The following INO80 variants were observed in gnomAD, a reference collection of about 807,000 sequenced individuals.
INO80 encodes the protein chromatin-remodeling ATPase INO80.
INO80 carries 20 observed loss-of-function variants against 203.4 expected under a neutral mutation model. That is an observed-to-expected ratio of 0.10 (90% CI 0.07 to 0.14). INO80 has a LOEUF of 0.14. Among genes scored for constraint, INO80 ranks in the 10% least tolerant of loss-of-function variants. The probability of loss-of-function intolerance (pLI) is 1.00; values close to 1 mark genes in which losing one functional copy is unlikely to be tolerated. For missense variants in INO80, 1,419 were observed against 1,914.4 expected, an observed-to-expected ratio of 0.74 and a Z score of 4.83; for synonymous variants, 726 against 685.2, an observed-to-expected ratio of 1.06 and a Z score of -0.93.
intron 24 of INO80, among the ~76,000 whole-genome samples, chr15:41,036,093 T>G (rs1402462020): frequency 7.3e-6 from 1 of 136,534 alleles, no homozygotes; most frequent in African/African-American, 2.8e-5. Flanking sequence ...GAGGCGGAAG[T>G]TGCAGTGAGC....
chr15:41,043,857 CT>C (rs1209550646), intron 24 of INO80, among the ~76,000 whole-genome samples: 1 of 152,140 alleles, frequency 6.6e-6, no homozygotes, highest in Non-Finnish European at 1.5e-5. Context: ...CTTCTTTCAC[CT>C]TCTTTGTCAC....
Position 41,097,705 on chromosome 15 carries a change from C to T in INO80, c.-43-1352G>A, listed in dbSNP as rs141340911. 1.0e-3 allele frequency among the ~76,000 whole-genome samples: 152 copies of T among 152,198 alleles called. 5 individuals carry two copies. The East Asian group carries it at 0.025, about 25-fold the overall frequency. On this transcript the variant is annotated intron_variant, in intron 1 of 35. Coordinates refer to ENST00000648947, the MANE Select transcript of INO80 (RefSeq NM_017553.3). ...GTCAGGCTGGTCTGGAACTCCTGAC[C>T]TCAGGTGATCCACCAGTCCCAACCT...
At chr15:41,019,337 G>C (rs753307550) in intron 26 of INO80, 4 of 152,204 alleles carry the variant, frequency 2.6e-5, no homozygotes, top group Non-Finnish European at 5.9e-5. Flanking sequence ...AGTCTACAGA[G>C]CACAATGGGG....
At position 41,072,926 on chromosome 15, in the gene INO80, G is replaced by A. The variant is rs146928306; in HGVS notation, c.1395+502C>T. 8.2e-3 allele frequency among the ~76,000 whole-genome samples: 1,242 copies of A among 151,650 alleles called. 22 individuals carry two copies. Among genetic ancestry groups the A allele is most frequent in the African/African-American group, 0.027 (1,120 of 41,372 alleles). ...CTCCCGAGTAGCTGGGACTACAAGC[G>A]CCCTCCGCCACCCCCGGCTAATTTT... is the stretch of plus-strand genomic sequence containing the variant. On this transcript the variant is annotated intron_variant, in intron 11 of 35. Coordinates refer to ENST00000648947, the MANE Select transcript of INO80 (RefSeq NM_017553.3).
chr15:41,064,321 CAATT>C (rs1237582320), intron 14 of INO80, among the ~76,000 whole-genome samples: 3 of 152,140 alleles, frequency 2.0e-5, no homozygotes, highest in Admixed American at 1.3e-4. Flanking sequence ...TTTAAGGTAT[CAATT>C]AATAACAAAC....
At chr15:41,101,140 C>G (rs1047246204) in intron 1 of INO80, among the ~76,000 whole-genome samples, 1 of 152,010 alleles carries the variant, frequency 6.6e-6, no homozygotes, top group African/African-American at 2.4e-5. Flanking sequence ...ACAATCATTT[C>G]TTAATCACCT....
chr15:41,049,569 G>T, intron 20 of INO80, 149 bp from the exon 21 acceptor site: 1 of 770,294 alleles, frequency 1.3e-6, no homozygotes, highest in Non-Finnish European at 2.1e-6. Context: ...CTGGCATCAA[G>T]GATAGACTGT....
rs772623947 is a variant in INO80, at chr15:40,982,847, C to G, written c.4453+15G>C. The G allele has an allele frequency of 1.9e-6, 3 of 1,600,878 alleles. No individual in the cohort carries two copies. Among genetic ancestry groups the G allele is most frequent in the Middle Eastern group, 2.1e-4 (1 of 4,686 alleles). ...TGACCAGAACAAAGTCTGCAGCCAC[C>G]CTGGGCTTCTGTACCTTTAGACACG... On this transcript the variant is annotated intron_variant, in intron 35 of 35. Transcript: ENST00000648947.
intron 24 of INO80, among the ~76,000 whole-genome samples, chr15:41,044,677 TGTGTACTTCACA>T (rs1304877125): frequency 2.1e-5 from 3 of 143,848 alleles, no homozygotes; most frequent in Non-Finnish European, 4.6e-5. Flanking sequence ...ACTTAAGATC[TGTGTACTTCACA>T]GTATTGTAAA....
intron 29 of INO80, among the ~76,000 whole-genome samples, chr15:40,990,863 T>C (rs531685903): frequency 5.7e-4 from 86 of 152,186 alleles, no homozygotes; most frequent in Non-Finnish European, 1.1e-3. Flanking sequence ...TTTCATCTTT[T>C]TTTCTGGTTC....
chr15:41,077,935 C>G (rs1306443363), intron 9 of INO80, among the ~76,000 whole-genome samples: 1 of 149,754 alleles, frequency 6.7e-6, no homozygotes, highest in Admixed American at 6.7e-5. Flanking sequence ...GATTCTTCCT[C>G]TGTCACCCAG....
At chr15:41,114,824 T>G (rs2046006139) in intron 1 of INO80, among the ~76,000 whole-genome samples, 2 of 152,226 alleles carry the variant, frequency 1.3e-5, no homozygotes, top group Non-Finnish European at 2.9e-5. Flanking sequence ...TGTTTCTTTT[T>G]TAGGTAAATT....
chr15:41,069,809 T>C (rs562603609), intron 13 of INO80, 144 bp from the exon 14 acceptor site: 26 of 598,156 alleles, frequency 4.3e-5, no homozygotes, highest in Non-Finnish European at 7.0e-5. Context: ...GCACATTCAA[T>C]AGTAATATCC....
At chr15:41,019,254 G>A (rs2044253851) in intron 26 of INO80, among the ~76,000 whole-genome samples, 1 of 152,108 alleles carries the variant, frequency 6.6e-6, no homozygotes, top group African/African-American at 2.4e-5. Flanking sequence ...AAGAGAAAAC[G>A]TAAAAGTATA....
At position 41,048,198 on chromosome 15, in the gene INO80, A is replaced by G; in HGVS notation, c.2641+14T>C. On this transcript the variant is annotated intron_variant, in intron 22 of 35. Coordinates refer to ENST00000648947, the MANE Select transcript of INO80 (RefSeq NM_017553.3). ...CCCTGACAAACCTACTTTCCCAAAG[A>G]TCAAAACACCTACCTTTTCTGTGAA... is the stretch of plus-strand genomic sequence containing the variant. 6.2e-7 allele frequency: 1 copy of G among 1,605,782 alleles called. No individual in the cohort carries two copies. Among genetic ancestry groups the G allele is most frequent in the Non-Finnish European group, 8.5e-7 (1 of 1,173,284 alleles).
At chr15:41,057,333 A>G (rs2045004039) in intron 16 of INO80, among the ~76,000 whole-genome samples, 1 of 151,926 alleles carries the variant, frequency 6.6e-6, no homozygotes. Context: ...GCACACGCCT[A>G]TAGTCCCAGC....
At chr15:41,113,799 C>T (rs1250524782) in intron 1 of INO80, among the ~76,000 whole-genome samples, 1 of 152,166 alleles carries the variant, frequency 6.6e-6, no homozygotes, top group African/African-American at 2.4e-5. Flanking sequence ...CACATTTCCA[C>T]CTTGATGTAC....
At chr15:41,016,295 C>T in intron 26 of INO80, 80 bp from the exon 27 acceptor site, 4 of 1,356,668 alleles carry the variant, frequency 2.9e-6, no homozygotes, top group Non-Finnish European at 4.1e-6. Context: ...CTGTATGCAA[C>T]CACAATCACT....
chr15:41,038,875 T>C (rs895226506), intron 24 of INO80, among the ~76,000 whole-genome samples: 5 of 152,220 alleles, frequency 3.3e-5, no homozygotes, highest in African/African-American at 1.2e-4. Flanking sequence ...GCAGCCTTAC[T>C]GAACCTGCTA....
Sources: allele counts gnomAD v4.1 joint callset (sites outside exome capture counted in the v4.1 genomes callset), GRCh38; gene constraint gnomAD v4.1.1; transcripts MANE v1.5; gene names NCBI Gene and HGNC (gene_info 2026-07-23, HGNC 2026-07-21).